The following METTL25 variants were observed in gnomAD, a reference collection of about 807,000 sequenced individuals.
The protein encoded by METTL25 is methyltransferase like 25.
In METTL25, 64 loss-of-function variants were observed where a neutral mutation model predicts 71.6. That is an observed-to-expected ratio of 0.89 (90% CI 0.73 to 1.10). The LOEUF (loss-of-function observed/expected upper bound fraction) is 1.10. Among genes scored for constraint, METTL25 ranks in the 50% least tolerant of loss-of-function variants. The pLI, the probability that METTL25 is intolerant of heterozygous loss-of-function variation, is 0.00. For missense variants in METTL25, 807 were observed against 707.0 expected, an observed-to-expected ratio of 1.14 and a Z score of -1.60; for synonymous variants, 287 against 250.3, an observed-to-expected ratio of 1.15 and a Z score of -1.38.
chr12:82,407,607 C>T (rs1031311681), intron 5 of METTL25, among the ~76,000 whole-genome samples: 17 of 151,998 alleles, frequency 1.1e-4, no homozygotes, highest in Non-Finnish European at 1.5e-4. Context: ...AATGAATAGA[C>T]GATTGGGAGT....
intron 8 of METTL25, among the ~76,000 whole-genome samples, chr12:82,441,270 G>A (rs185069070): frequency 4.9e-5 from 7 of 143,168 alleles, no homozygotes; most frequent in African/African-American, 1.8e-4. Context: ...GTAAATCTAA[G>A]CCTCAAATTA....
chr12:82,424,080 T>G (rs1293144685), intron 5 of METTL25, among the ~76,000 whole-genome samples: 1 of 152,182 alleles, frequency 6.6e-6, no homozygotes, highest in Non-Finnish European at 1.5e-5. Flanking sequence ...TAAAGACACA[T>G]GCACACATAT....
intron 9 of METTL25, among the ~76,000 whole-genome samples, chr12:82,471,747 A>G (rs1277046114): frequency 2.6e-5 from 4 of 152,240 alleles, no homozygotes; most frequent in Non-Finnish European, 5.9e-5. Flanking sequence ...ATTTAAAAAT[A>G]CTATAGAAAT....
In METTL25 at chr12:82,397,556, A is replaced by T. The variant is rs142915901; in HGVS notation, c.532-1239A>T. Among the ~76,000 whole-genome samples the T allele has an allele frequency of 9.9e-3, 1,506 of 152,168 alleles. 24 individuals are homozygous for T. The highest frequency in any genetic ancestry group is 0.034 in the African/African-American group (1,420 of 41,564). On this transcript the variant is annotated intron_variant, in intron 3 of 11. Transcript: ENST00000248306. ...AATTTTTCTCCTGTTTTCTTCCATC[A>T]GATAACATTTTTTTCTATTATGTTT...
chr12:82,396,591 TATA>T (rs1480008730), intron 3 of METTL25, among the ~76,000 whole-genome samples: 1 of 152,060 alleles, frequency 6.6e-6, no homozygotes. Flanking sequence ...ACATGGCAAT[TATA>T]ATGTTTATAA....
intron 9 of METTL25, 133 bp from the exon 10 acceptor site, chr12:82,476,511 C>T (rs1892888115): frequency 4.7e-6 from 3 of 643,314 alleles, no homozygotes; most frequent in Non-Finnish European, 8.2e-6. Context: ...TCATGAATAT[C>T]CTTAGAGCGA....
At position 82,399,087 on chromosome 12, in the gene METTL25, C is replaced by G; in HGVS notation, c.824C>G (p.Ser275Ter). The change falls in exon 4 of 12, where the codon TCA (serine) becomes TGA (stop). Residue 275 changes from serine (S) to a stop codon, truncating the protein, a stop_gained. Transcript: ENST00000248306. LOFTEE classifies it high-confidence loss of function. ...SPTNQEKMPT[S>*]AILPDFSGSV... ...ACAAATCAAGAAAAGATGCCTACCT[C>G]AGCTATTTTGCCTGATTTTTCTGGC... is the stretch of plus-strand genomic sequence containing the variant. The G allele has an allele frequency of 6.2e-7, 1 of 1,613,302 alleles. No individual in the cohort carries two copies. Among genetic ancestry groups the G allele is most frequent in the Non-Finnish European group, 8.5e-7 (1 of 1,179,474 alleles).
chr12:82,443,198 C>A (rs1429053441), intron 8 of METTL25, among the ~76,000 whole-genome samples: 2 of 151,704 alleles, frequency 1.3e-5, no homozygotes, highest in Admixed American at 6.6e-5. Context: ...GTACACAAAT[C>A]TTATGATGAA....
Position 82,399,281 on chromosome 12 carries a change from A to T in METTL25, c.1018A>T (p.Asn340Tyr). The T allele has an allele frequency of 1.2e-6, 2 of 1,613,798 alleles. No individual in the cohort carries two copies. The highest frequency in any genetic ancestry group is 2.7e-5 in the African/African-American group (2 of 75,060). The change falls in exon 4 of 12, where the codon AAT (asparagine) becomes TAT (tyrosine). Residue 340 changes from asparagine (N) to tyrosine (Y), a missense_variant. Transcript: ENST00000248306. ...ACCCAACAGAGAAACATCTGAAGCC[A>T]ATAAAGAGAGAAGAAAAATGACATC... ...QIPNRETSEA[N>Y]KERRKMTSKS...
At chr12:82,377,237 A>G (rs1200708000) in intron 1 of METTL25, among the ~76,000 whole-genome samples, 1 of 152,198 alleles carries the variant, frequency 6.6e-6, no homozygotes, top group African/African-American at 2.4e-5. Context: ...TAAATATCAC[A>G]TGTGGCTGAT....
At chr12:82,447,599 A>G (rs1200807588) in intron 8 of METTL25, among the ~76,000 whole-genome samples, 3 of 126,800 alleles carry the variant, frequency 2.4e-5, no homozygotes, top group Non-Finnish European at 5.8e-5. Flanking sequence ...TAAGGTAAAC[A>G]CAAGATTCAA....
At chr12:82,410,546 G>A (rs1887478617) in intron 5 of METTL25, among the ~76,000 whole-genome samples, 1 of 152,064 alleles carries the variant, frequency 6.6e-6, no homozygotes, top group Non-Finnish European at 1.5e-5. Context: ...TTTTCTGAGT[G>A]TTCCTCCTGC....
At chr12:82,435,299 A>G (rs1035158386) in intron 7 of METTL25, among the ~76,000 whole-genome samples, 4 of 151,402 alleles carry the variant, frequency 2.6e-5, no homozygotes, top group Admixed American at 1.3e-4. Flanking sequence ...AATTTAACCT[A>G]AAGTTTAGAA....
At chr12:82,474,429 G>A (rs1202501319) in intron 9 of METTL25, 1 of 152,170 alleles carries the variant, frequency 6.6e-6, no homozygotes, top group Non-Finnish European at 1.5e-5. Flanking sequence ...CTTGTATGGG[G>A]GAACTGGCAT....
intron 8 of METTL25, among the ~76,000 whole-genome samples, chr12:82,454,616 C>G (rs1891357125): frequency 6.6e-6 from 1 of 151,838 alleles, no homozygotes; most frequent in Non-Finnish European, 1.5e-5. Context: ...TGATACTTTG[C>G]TACAGTAAAA....
At chr12:82,387,145 G>T (rs1024855905) in intron 2 of METTL25, among the ~76,000 whole-genome samples, 178 bp downstream of exon 2, 1 of 152,068 alleles carries the variant, frequency 6.6e-6, no homozygotes, top group Non-Finnish European at 1.5e-5. Flanking sequence ...ATATTAAACA[G>T]AACAACTTGT....
At chr12:82,388,872 C>T (rs562300313) in intron 2 of METTL25, 49 of 152,094 alleles carry the variant, frequency 3.2e-4, no homozygotes, top group Non-Finnish European at 6.3e-4. Context: ...CCTAAAGTGC[C>T]CTCAGAATGT....
intron 2 of METTL25, 152 bp downstream of exon 2, chr12:82,387,119 GT>G: frequency 1.6e-6 from 1 of 637,062 alleles, no homozygotes; most frequent in Non-Finnish European, 2.5e-6. Context: ...AGAAGTGTAG[GT>G]TTTCCCCTTG....
intron 5 of METTL25, among the ~76,000 whole-genome samples, chr12:82,405,380 T>C: frequency 6.6e-6 from 1 of 152,004 alleles, no homozygotes; most frequent in Non-Finnish European, 1.5e-5. Flanking sequence ...ATCTCTTGCC[T>C]GTTTTTTTGT....
Sources: allele counts gnomAD v4.1 joint callset (sites outside exome capture counted in the v4.1 genomes callset), GRCh38; gene constraint gnomAD v4.1.1; transcripts MANE v1.5; gene names NCBI Gene and HGNC (gene_info 2026-07-23, HGNC 2026-07-21).